The following TAFA5 variants were observed in gnomAD, a reference collection of about 807,000 sequenced individuals.
TAFA5 encodes the protein chemokine-like protein TAFA-5.
Under a neutral mutation model 15.3 loss-of-function variants are expected in TAFA5, and 6 were observed. The observed-to-expected ratio is 0.39, with a 90% CI of 0.21 to 0.77. TAFA5 has a LOEUF of 0.77. Ranked by LOEUF, TAFA5 falls within the 30% of genes least tolerant of loss-of-function variation. The pLI, the probability that TAFA5 is intolerant of heterozygous loss-of-function variation, is 0.41. For synonymous variants in TAFA5, 103 were observed against 80.7 expected, an observed-to-expected ratio of 1.28 and a Z score of -1.48; for missense variants, 161 against 193.1, an observed-to-expected ratio of 0.83 and a Z score of 0.98.
chr22:48,664,830 C>T (rs1172062968), intron 2 of TAFA5, among the ~76,000 whole-genome samples: 2 of 152,214 alleles, frequency 1.3e-5, no homozygotes, highest in Non-Finnish European at 2.9e-5. Flanking sequence ...ATCTATCTGT[C>T]TGTGCCAAGG....
intron 1 of TAFA5, among the ~76,000 whole-genome samples, chr22:48,639,068 C>T (rs5771859): frequency 0.16 from 23,948 of 152,216 alleles, 2,343 homozygotes; most frequent in East Asian, 0.39. Flanking sequence ...CCTCCCAGGC[C>T]CCAGCTCAGA....
At chr22:48,514,188 T>A (rs1323308761) in intron 1 of TAFA5, among the ~76,000 whole-genome samples, 1 of 152,142 alleles carries the variant, frequency 6.6e-6, no homozygotes, top group Non-Finnish European at 1.5e-5. Flanking sequence ...CGGGATGAAA[T>A]GAATGCATGC....
chr22:48,492,659 C>T (rs1386767950), intron 1 of TAFA5, among the ~76,000 whole-genome samples: 8 of 152,118 alleles, frequency 5.3e-5, no homozygotes, highest in African/African-American at 2.4e-5. Flanking sequence ...TGCCAGGAGA[C>T]GCAAACAGGG....
intron 1 of TAFA5, among the ~76,000 whole-genome samples, chr22:48,608,132 C>A (rs1211841874): frequency 6.6e-6 from 1 of 152,094 alleles, no homozygotes; most frequent in Non-Finnish European, 1.5e-5. Flanking sequence ...GGCTGCCAGA[C>A]CCCTGCTTCT....
chr22:48,507,074 G>A (rs1921016939), intron 1 of TAFA5, among the ~76,000 whole-genome samples: 1 of 152,148 alleles, frequency 6.6e-6, no homozygotes, highest in Non-Finnish European at 1.5e-5. Flanking sequence ...GAAGGAGATG[G>A]TCATCAAGGG....
intron 2 of TAFA5, among the ~76,000 whole-genome samples, chr22:48,687,480 A>T (rs922482792): frequency 6.6e-6 from 1 of 151,074 alleles, no homozygotes; most frequent in African/African-American, 2.4e-5. Context: ...TGGATGGGGG[A>T]TGGCTAAATA....
chr22:48,682,707 A>G (rs1234284690), intron 2 of TAFA5, among the ~76,000 whole-genome samples: 1 of 152,180 alleles, frequency 6.6e-6, no homozygotes, highest in East Asian at 1.9e-4. Flanking sequence ...GCATTTGCAT[A>G]TTACCCAGAA....
At chr22:48,577,434 G>C (rs528879705) in intron 1 of TAFA5, among the ~76,000 whole-genome samples, 7 of 152,292 alleles carry the variant, frequency 4.6e-5, no homozygotes, top group South Asian at 2.1e-4. Flanking sequence ...CAACTGAGGC[G>C]TTGGCCTCCC....
chr22:48,515,451 C>A (rs140520234), intron 1 of TAFA5, among the ~76,000 whole-genome samples: 2 of 152,254 alleles, frequency 1.3e-5, no homozygotes, highest in Non-Finnish European at 2.9e-5. Context: ...TTCACGGCAC[C>A]CCTCTCCTTC....
chr22:48,645,398 C>A (rs1926826503), intron 1 of TAFA5, among the ~76,000 whole-genome samples: 1 of 152,186 alleles, frequency 6.6e-6, no homozygotes, highest in Non-Finnish European at 1.5e-5. Flanking sequence ...AACTTCCTGG[C>A]TGTTCATCTT....
At chr22:48,673,026 C>T (rs1051051369) in intron 2 of TAFA5, among the ~76,000 whole-genome samples, 4 of 152,180 alleles carry the variant, frequency 2.6e-5, no homozygotes, top group African/African-American at 9.6e-5. Context: ...TGATGGCACA[C>T]CCCGCTAAGG....
chr22:48,657,059 C>T (rs1241551806), intron 2 of TAFA5, among the ~76,000 whole-genome samples: 1 of 152,142 alleles, frequency 6.6e-6, no homozygotes, highest in African/African-American at 2.4e-5. Context: ...GTGTGAGCCA[C>T]TGCCCACCCA....
At chr22:48,688,007 T>C (rs972722445) in intron 2 of TAFA5, among the ~76,000 whole-genome samples, 21 of 41,926 alleles carry the variant, frequency 5.0e-4, no homozygotes, top group African/African-American at 1.6e-3. Flanking sequence ...ATTAGAGGGT[T>C]TTTTTTTTTC....
At chr22:48,641,790 C>T (rs1313009640) in intron 1 of TAFA5, among the ~76,000 whole-genome samples, 1 of 152,228 alleles carries the variant, frequency 6.6e-6, no homozygotes, top group East Asian at 1.9e-4. Context: ...TCAGCAGAGG[C>T]CACTCCCCAA....
chr22:48,563,000 C>T (rs762609158), intron 1 of TAFA5, among the ~76,000 whole-genome samples: 12 of 152,240 alleles, frequency 7.9e-5, no homozygotes, highest in Non-Finnish European at 1.6e-4. Context: ...GCCTTGGCAT[C>T]TCCCACACCA....
chr22:48,508,540 C>G (rs12233367), intron 1 of TAFA5, among the ~76,000 whole-genome samples: 2,578 of 152,300 alleles, frequency 0.017, 103 homozygotes, highest in East Asian at 0.16. Flanking sequence ...CCCAGAGCCA[C>G]GTATGGGGCC....
At chr22:48,681,839 G>T (rs1928201787) in intron 2 of TAFA5, among the ~76,000 whole-genome samples, 1 of 56,016 alleles carries the variant, frequency 1.8e-5, no homozygotes, top group African/African-American at 4.4e-5. Context: ...TCCCACTCCT[G>T]CTTGATCAAA....
intron 2 of TAFA5, among the ~76,000 whole-genome samples, chr22:48,706,323 C>T (rs1395130007): frequency 2.0e-5 from 3 of 152,104 alleles, no homozygotes; most frequent in Non-Finnish European, 2.9e-5. Context: ...GTGAGGACCC[C>T]GAGGAACTCG....
intron 1 of TAFA5, among the ~76,000 whole-genome samples, chr22:48,527,001 A>G (rs1921802636): frequency 6.6e-6 from 1 of 152,266 alleles, no homozygotes; most frequent in Admixed American, 6.5e-5. Context: ...ATTATATCTC[A>G]TGATGAGGCC....
Sources: allele counts gnomAD v4.1 joint callset (sites outside exome capture counted in the v4.1 genomes callset), GRCh38; gene constraint gnomAD v4.1.1; transcripts MANE v1.5; gene names NCBI Gene and HGNC (gene_info 2026-07-23, HGNC 2026-07-21).